DISP3: variants seen among roughly 807,000 people sequenced by gnomAD.
DISP3 encodes the protein protein dispatched homolog 3.
Under a neutral mutation model 135.3 loss-of-function variants are expected in DISP3, and 101 were observed. That is an observed-to-expected ratio of 0.75 (90% confidence interval 0.64 to 0.88). The LOEUF is 0.88. DISP3 is among the 40% of genes least tolerant of loss of function. The pLI, the probability that DISP3 is intolerant of heterozygous loss-of-function variation, is 0.00. For synonymous variants in DISP3, 856 were observed against 817.0 expected, an observed-to-expected ratio of 1.05 and a Z score of -0.81; for missense variants, 1,713 against 1,878.6, an observed-to-expected ratio of 0.91 and a Z score of 1.63.
chr1:11,537,173 A>T lies in DISP3; in HGVS notation c.*487A>T, dbSNP rs1466349217. 6.3e-6 allele frequency: 1 copy of T among 159,330 alleles called. No homozygotes were observed. The highest frequency in any genetic ancestry group is 6.0e-5 in the Admixed American group (1 of 16,534). 9.9% of individuals were successfully genotyped at this position (159,330 alleles called of 1,614,324 possible). On this transcript the variant is annotated 3_prime_UTR_variant, in exon 21 of 21. Transcript: ENST00000294484. The stretch of plus-strand genomic sequence containing the variant: ...ATGCCGCCCTCGGGAATCATACAGG[A>T]AGAGCACAGTGGATCCAGGGTGGGG...
intron 2 of DISP3, 124 bp downstream of exon 2, chr1:11,502,212 G>T (rs1458777352): frequency 2.1e-6 from 3 of 1,403,004 alleles, no homozygotes; most frequent in South Asian, 3.0e-5. Flanking sequence ...TGAGTCCTGG[G>T]CATGGCCGGA....
At chr1:11,488,509 C>T (rs1278215811) in intron 1 of DISP3, among the ~76,000 whole-genome samples, 1 of 152,206 alleles carries the variant, frequency 6.6e-6, no homozygotes, top group East Asian at 1.9e-4. Context: ...TGAGATTCCA[C>T]CTGGGCACCC....
intron 1 of DISP3, among the ~76,000 whole-genome samples, chr1:11,480,531 C>T (rs931556756): frequency 6.6e-6 from 1 of 152,166 alleles, no homozygotes; most frequent in African/African-American, 2.4e-5. Context: ...CGCCCCCGCT[C>T]TGCACTCGAG....
Position 11,491,841 on chromosome 1 carries a change from G to A in DISP3, c.-3-9149G>A, listed in dbSNP as rs558087452. ...CTGGCTGGCTAAGAAGTTAATAATT[G>A]GCCGGGCGCGGTGGCTCACGCCTGT... On this transcript the variant is annotated intron_variant, in intron 1 of 20. Transcript: ENST00000294484. The surrounding 1 kb of genome is among the most constrained non-coding windows in gnomAD (Gnocchi z 4.3). 6.6e-6 allele frequency among the ~76,000 whole-genome samples: 1 copy of A among 152,214 alleles called. No homozygotes were observed. Among genetic ancestry groups the A allele is most frequent in the East Asian group, 1.9e-4 (1 of 5,158 alleles).
chr1:11,522,595 GA>G (rs1642237698), intron 10 of DISP3, among the ~76,000 whole-genome samples: 1 of 126,514 alleles, frequency 7.9e-6, no homozygotes, highest in South Asian at 2.6e-4. Flanking sequence ...ACCCAGCCAG[GA>G]CCCAGCCAGA....
chr1:11,530,315 C>T (rs955992388), intron 15 of DISP3, among the ~76,000 whole-genome samples: 7 of 152,350 alleles, frequency 4.6e-5, no homozygotes, highest in Non-Finnish European at 7.3e-5. Flanking sequence ...CCCTCCCTCA[C>T]ATGCACTCCT....
At chr1:11,495,609 C>G (rs903597315) in intron 1 of DISP3, among the ~76,000 whole-genome samples, 24 of 152,184 alleles carry the variant, frequency 1.6e-4, no homozygotes, top group African/African-American at 5.8e-4. Flanking sequence ...GACCTGGGGT[C>G]TCAGTTTCCC....
intron 1 of DISP3, among the ~76,000 whole-genome samples, chr1:11,481,038 TTCTC>T (rs368929945): frequency 1.6e-3 from 213 of 129,768 alleles, no homozygotes; most frequent in East Asian, 4.2e-3. Context: ...TCCCCCAGGT[TTCTC>T]TCTCTCTCTC....
rs1420664056 is a variant in DISP3 at position 11,530,957 on chromosome 1, C to T, written c.3153C>T (p.His1051=). The change falls in exon 16 of 21, where the codon CAC becomes CAT. Residue 1051 remains histidine, a synonymous_variant. Transcript: ENST00000294484. ...TTGACCTCTTCAAGGAAATTGGGCA[C>T]CTGTGTCACCTCTGCAAGGCCATCG... The part of the protein sequence containing the change: ...SSFDLFKEIG[H]LCHLCKAIAA... 1 of 1,613,996 alleles carries T rather than the reference C, an allele frequency of 6.2e-7. No individual in the cohort carries two copies. The highest frequency in any genetic ancestry group is 1.7e-5 in the Admixed American group (1 of 60,012).
intron 5 of DISP3, 58 bp downstream of exon 5, chr1:11,515,561 C>T: frequency 6.5e-7 from 1 of 1,547,836 alleles, no homozygotes; most frequent in African/African-American, 1.4e-5. Flanking sequence ...CTGCCCCATC[C>T]CCTTTCTCCC....
intron 3 of DISP3, among the ~76,000 whole-genome samples, chr1:11,506,195 C>T (rs1479131906): frequency 6.6e-6 from 1 of 152,058 alleles, no homozygotes; most frequent in Non-Finnish European, 1.5e-5. Context: ...TTGTTTTCAC[C>T]AGTCTTACTG....
intron 1 of DISP3, among the ~76,000 whole-genome samples, chr1:11,482,808 G>A (rs1000491241): frequency 6.6e-6 from 1 of 152,140 alleles, no homozygotes; most frequent in East Asian, 1.9e-4. Context: ...AGGGCTTGTC[G>A]TTTGAAATCG....
In DISP3 at chr1:11,499,758, C is replaced by T. The variant is rs1641449072; in HGVS notation, c.-3-1232C>T. 6.6e-6 allele frequency among the ~76,000 whole-genome samples: 1 copy of T among 152,204 alleles called. No homozygotes were observed. The highest frequency in any genetic ancestry group is 1.5e-5 in the Non-Finnish European group (1 of 68,044). On this transcript the variant is annotated intron_variant, in intron 1 of 20. Transcript: ENST00000294484. The surrounding 1 kb of genome is among the most constrained non-coding windows in gnomAD (Gnocchi z 5.2). ...CTCTCCTCTTTTCCTCTGTCTCTGT[C>T]TCTGTTTCCCTCCTTCCGTCACCTC...
At chr1:11,515,904 C>A in intron 5 of DISP3, 97 bp from the exon 6 acceptor site, 1 of 1,416,778 alleles carries the variant, frequency 7.1e-7, no homozygotes, top group East Asian at 2.4e-5. Flanking sequence ...AGCCTGACCT[C>A]CCAGGAGGCC....
chr1:11,523,451 G>A (rs566022310), intron 10 of DISP3, among the ~76,000 whole-genome samples: 5 of 149,208 alleles, frequency 3.4e-5, no homozygotes, highest in Admixed American at 1.3e-4. Context: ...GGGTGAGCAC[G>A]GGGGCAGAGT....
In DISP3 at chr1:11,528,893, G is replaced by A. The variant is rs1427865629; in HGVS notation, c.2799-663G>A. 2.6e-5 allele frequency among the ~76,000 whole-genome samples: 4 copies of A among 152,342 alleles called. No homozygotes were observed. In the East Asian group the frequency reaches 5.8e-4, roughly 22 times the overall value. On this transcript the variant is annotated intron_variant, in intron 13 of 20. Transcript: ENST00000294484. ...CTGAGGGCTGCAGCTTGGAGGCCAG[G>A]GAATGGCAGGACAGCCACCCACTGG...
intron 1 of DISP3, among the ~76,000 whole-genome samples, chr1:11,497,295 G>A (rs1222848151): frequency 6.6e-6 from 1 of 152,130 alleles, no homozygotes; most frequent in Non-Finnish European, 1.5e-5. Flanking sequence ...AGATTTTGGT[G>A]TACCCATCAC....
At position 11,517,628 on chromosome 1, in the gene DISP3, C is replaced by T. The variant is rs753791956; in HGVS notation, c.1889+26C>T. 5.6e-6 allele frequency: 9 copies of T among 1,609,502 alleles called. No homozygotes were observed. The African/African-American group carries it at 1.2e-4, about 21-fold the overall frequency. Reference sequence around the variant, plus strand: ...GTAAGTCGGGCAGGGCCTCCACCCACAGCAGGGTATCCACAACAGGCCTCT... The same window carrying T: ...GTAAGTCGGGCAGGGCCTCCACCCATAGCAGGGTATCCACAACAGGCCTCT... On this transcript the variant is annotated intron_variant, in intron 7 of 20. Coordinates refer to ENST00000294484, the MANE Select transcript of DISP3 (RefSeq NM_020780.2).
In DISP3 at chr1:11,529,455, A is replaced by G. The variant is rs903466405; in HGVS notation, c.2799-101A>G. On this transcript the variant is annotated intron_variant, in intron 13 of 20. Transcript: ENST00000294484. This position sits in a 1 kb window ranked among gnomAD's most constrained non-coding sequence, Gnocchi z 4.7. The stretch of plus-strand genomic sequence containing the variant: ...GGGGCAGAGCCCGAGTCCAGACCCC[A>G]TGACACCCCAGCCCCAGTCCCAACC... 7.2e-7 allele frequency: 1 copy of G among 1,385,794 alleles called. No homozygotes were observed. Among genetic ancestry groups the G allele is most frequent in the Non-Finnish European group, 9.8e-7 (1 of 1,020,422 alleles). 85.8% of individuals were successfully genotyped at this position (1,385,794 alleles called of 1,614,324 possible).
Sources: allele counts gnomAD v4.1 joint callset (sites outside exome capture counted in the v4.1 genomes callset), GRCh38; gene constraint gnomAD v4.1.1; non-coding constraint Gnocchi (gnomAD v3.1); transcripts MANE v1.5; gene names NCBI Gene and HGNC (gene_info 2026-07-23, HGNC 2026-07-21).